The following ANKS1A variants were observed in gnomAD, a reference collection of about 807,000 sequenced individuals.
The protein encoded by ANKS1A is ankyrin repeat and sterile alpha motif domain containing 1A, also known as ankyrin repeat and SAM domain-containing protein 1A.
A neutral mutation model predicts 120.3 loss-of-function variants in ANKS1A; 55 were observed. The ratio of observed to expected loss-of-function variants is 0.46; its 90% CI spans 0.37 to 0.57. ANKS1A has a LOEUF of 0.57. Ranked by LOEUF, ANKS1A falls within the 20% of genes least tolerant of loss-of-function variation. The pLI, the probability that ANKS1A is intolerant of heterozygous loss-of-function variation, is 0.00. For synonymous variants in ANKS1A, 590 were observed against 604.7 expected, an observed-to-expected ratio of 0.98 and a Z score of 0.36; for missense variants, 1,123 against 1,480.3, an observed-to-expected ratio of 0.76 and a Z score of 3.96.
intron 8 of ANKS1A, 84 bp from the exon 9 acceptor site, chr6:34,989,140 T>C (rs1331254384): frequency 2.3e-6 from 3 of 1,307,354 alleles, no homozygotes; most frequent in Non-Finnish European, 3.2e-6. Flanking sequence ...TTTTTTCATT[T>C]CTAAGGGCTA....
chr6:34,993,973 G>GT (rs1211923156), intron 9 of ANKS1A, among the ~76,000 whole-genome samples: 5 of 151,786 alleles, frequency 3.3e-5, no homozygotes, highest in Non-Finnish European at 5.9e-5. Flanking sequence ...TTGTTTTTTT[G>GT]TTTTTGTTTT....
intron 1 of ANKS1A, among the ~76,000 whole-genome samples, chr6:34,942,001 T>C (rs755593399): frequency 5.3e-5 from 8 of 152,238 alleles, no homozygotes; most frequent in Non-Finnish European, 1.0e-4. Context: ...ATCATTAGCC[T>C]ACAAAGTATT....
At chr6:35,031,294 A>G (rs967614658) in intron 11 of ANKS1A, among the ~76,000 whole-genome samples, 11 of 151,916 alleles carry the variant, frequency 7.2e-5, no homozygotes, top group African/African-American at 2.4e-4. Flanking sequence ...GACTCTACCT[A>G]CTCTCCACCT....
chr6:35,042,563 C>T (rs1187825460), intron 11 of ANKS1A, among the ~76,000 whole-genome samples: 6 of 152,186 alleles, frequency 3.9e-5, no homozygotes, highest in African/African-American at 7.2e-5. Flanking sequence ...GACCGGGAGC[C>T]ATCCTCGGAC....
intron 1 of ANKS1A, among the ~76,000 whole-genome samples, chr6:34,916,151 C>T (rs1768153850): frequency 1.3e-5 from 2 of 151,920 alleles, no homozygotes; most frequent in Admixed American, 1.3e-4. Flanking sequence ...TGCCACTAGG[C>T]CTGGCTAATT....
chr6:35,081,339 C>A (rs572785653), intron 17 of ANKS1A, among the ~76,000 whole-genome samples, 181 bp downstream of exon 17: 2 of 152,332 alleles, frequency 1.3e-5, no homozygotes, highest in African/African-American at 4.8e-5. Context: ...CCACCCAGCA[C>A]CCATGGTGCC....
chr6:34,980,250 T>C (rs1771834829), intron 3 of ANKS1A, among the ~76,000 whole-genome samples: 2 of 152,266 alleles, frequency 1.3e-5, no homozygotes, highest in South Asian at 4.1e-4. Flanking sequence ...CCTTGAGTTG[T>C]GTTTGAGCTC....
In ANKS1A at chr6:34,979,277, G is replaced by T. The variant is rs1018435504; in HGVS notation, c.436-2413G>T. 3.9e-4 allele frequency among the ~76,000 whole-genome samples: 59 copies of T among 152,166 alleles called. 1 individual carries two copies. The highest frequency in any genetic ancestry group is 1.4e-3 in the African/African-American group (59 of 41,434). On this transcript the variant is annotated intron_variant, in intron 3 of 23. Transcript: ENST00000360359. ...ACTGATAGTTCTTGCCCTGATAGTT[G>T]TCAGGCTCAAAAAGCCTACAGTAAT...
chr6:34,994,291 C>T lies in ANKS1A; in HGVS notation c.1303-11C>T, dbSNP rs1013073982. 3.1e-6 allele frequency: 5 copies of T among 1,612,402 alleles called. No individual in the cohort carries two copies. Among genetic ancestry groups the T allele is most frequent in the Non-Finnish European group, 4.2e-6 (5 of 1,178,884 alleles). Reference sequence around the variant, plus strand: ...CATGCACAAGATACACTGGATGTTTCTCTCCCTTAGGTTCTGTCCATGAGA... The same window carrying T: ...CATGCACAAGATACACTGGATGTTTTTCTCCCTTAGGTTCTGTCCATGAGA... On this transcript the variant is annotated splice_polypyrimidine_tract_variant and intron_variant, in intron 9 of 23. Coordinates refer to ENST00000360359, the MANE Select transcript of ANKS1A (RefSeq NM_015245.3).
intron 11 of ANKS1A, among the ~76,000 whole-genome samples, chr6:35,034,670 C>A (rs1045452226): frequency 6.6e-6 from 1 of 152,214 alleles, no homozygotes; most frequent in African/African-American, 2.4e-5. Flanking sequence ...ATCATTGCAT[C>A]ATTTGCTAAA....
chr6:34,979,676 AATTT>A (rs1043382335), intron 3 of ANKS1A, among the ~76,000 whole-genome samples: 1 of 152,120 alleles, frequency 6.6e-6, no homozygotes, highest in Non-Finnish European at 1.5e-5. Context: ...AATCAAGGAC[AATTT>A]ATTCTGGTTG....
chr6:35,032,010 G>A (rs1290366852), intron 11 of ANKS1A, among the ~76,000 whole-genome samples: 1 of 152,148 alleles, frequency 6.6e-6, no homozygotes, highest in Non-Finnish European at 1.5e-5. Context: ...CACACTGATG[G>A]AGAGCCTACT....
At chr6:34,957,943 C>A (rs1426488981) in intron 1 of ANKS1A, among the ~76,000 whole-genome samples, 2 of 152,186 alleles carry the variant, frequency 1.3e-5, no homozygotes, top group Admixed American at 1.3e-4. Context: ...TGTTTTCCTT[C>A]TTGATAGTAT....
intron 1 of ANKS1A, among the ~76,000 whole-genome samples, chr6:34,913,949 G>A (rs940118918): frequency 4.6e-5 from 7 of 151,532 alleles, no homozygotes; most frequent in Non-Finnish European, 7.4e-5. Context: ...ATGGAGTCTC[G>A]CTCTGTTGCC....
At chr6:34,924,188 C>T (rs1052835829) in intron 1 of ANKS1A, among the ~76,000 whole-genome samples, 22 of 151,686 alleles carry the variant, frequency 1.5e-4, no homozygotes, top group African/African-American at 3.6e-4. Context: ...AGGTCTGTGA[C>T]GGCTGAGAAG....
chr6:35,085,681 A>T lies in ANKS1A; in HGVS notation c.3133-85A>T. ...CGCTCCCGGGTAGACTTAGAGGGGG[A>T]CACATGGTCCCTGCGAGGAAGGGCA... On this transcript the variant is annotated intron_variant, in intron 21 of 23. Coordinates refer to ENST00000360359, the MANE Select transcript of ANKS1A (RefSeq NM_015245.3). This position sits in a 1 kb window ranked among gnomAD's most constrained non-coding sequence, Gnocchi z 4.7. 7.1e-7 allele frequency: 1 copy of T among 1,398,912 alleles called. No individual in the cohort carries two copies. Among genetic ancestry groups the T allele is most frequent in the Non-Finnish European group, 9.6e-7 (1 of 1,043,894 alleles). 86.7% of individuals were successfully genotyped at this position (1,398,912 alleles called of 1,614,324 possible).
intron 1 of ANKS1A, among the ~76,000 whole-genome samples, chr6:34,925,687 A>G (rs927245971): frequency 1.3e-5 from 2 of 152,098 alleles, no homozygotes; most frequent in African/African-American, 4.8e-5. Flanking sequence ...GGGTGCGGAG[A>G]GGGATACTCT....
intron 10 of ANKS1A, among the ~76,000 whole-genome samples, chr6:35,001,793 G>A (rs557156284): frequency 4.6e-5 from 7 of 152,240 alleles, no homozygotes; most frequent in Admixed American, 2.6e-4. Flanking sequence ...TAGTCCATTT[G>A]GCTATCCCTT....
Position 34,989,034 on chromosome 6 carries a change from G to A in ANKS1A, c.1210-190G>A, listed in dbSNP as rs376245960. Among the ~76,000 whole-genome samples the A allele has an allele frequency of 1.2e-4, 19 of 152,308 alleles. 1 individual carries two copies. In the South Asian group the frequency reaches 3.3e-3, roughly 27 times the overall value. ...TGCTACAGACATCAAAAACCATAGA[G>A]CATGCTAATTGAATTGTGTATGTAT... is the stretch of plus-strand genomic sequence containing the variant. On this transcript the variant is annotated intron_variant, in intron 8 of 23. Coordinates refer to ENST00000360359, the MANE Select transcript of ANKS1A (RefSeq NM_015245.3).
Sources: gnomAD v4.1 joint callset for allele counts (sites outside exome capture counted in the v4.1 genomes callset) on GRCh38, gnomAD v4.1.1 for gene constraint, Gnocchi (gnomAD v3.1) non-coding constraint, MANE v1.5 for transcripts, NCBI Gene and HGNC (gene_info 2026-07-23, HGNC 2026-07-21) for gene names.